CCSER1: variants seen among roughly 807,000 people sequenced by gnomAD.
CCSER1 encodes serine-rich coiled-coil domain-containing protein 1.
In CCSER1, 41 loss-of-function variants were observed where a neutral mutation model predicts 82.0. That is an observed-to-expected ratio of 0.50 (90% CI 0.39 to 0.65). The LOEUF (loss-of-function observed/expected upper bound fraction) is 0.65, where lower values mean the gene tolerates loss of function less well. CCSER1 is among the 30% of genes least tolerant of loss of function. The pLI is 0.00. For missense variants in CCSER1, 1,119 were observed against 1,064.2 expected (o/e 1.05, Z -0.72); for synonymous variants, 414 against 383.9 (o/e 1.08, Z -0.92).
In CCSER1 at chr4:90,629,385, C is replaced by T. The variant is rs988074411; in HGVS notation, c.1932+1153C>T. On this transcript the variant is annotated intron_variant, in intron 6 of 10. Transcript: ENST00000509176. ...TCACAGTTCCATATGGCTGGGGAGG[C>T]CTGACAATCACAGCAGAAGGCGATG... Among the ~76,000 whole-genome samples, 10 of 152,184 alleles carry T rather than the reference C, an allele frequency of 6.6e-5. No individual in the cohort carries two copies. In the South Asian group the frequency reaches 2.1e-3, roughly 32 times the overall value.
intron 10 of CCSER1, among the ~76,000 whole-genome samples, chr4:91,090,331 T>C (rs922865850): frequency 2.0e-5 from 3 of 152,168 alleles, no homozygotes; most frequent in African/African-American, 7.2e-5. Context: ...ATATCCAGTA[T>C]AACCTGCTGG....
At chr4:90,223,629 A>G (rs1578580878) in intron 1 of CCSER1, among the ~76,000 whole-genome samples, 2 of 152,242 alleles carry the variant, frequency 1.3e-5, no homozygotes, top group South Asian at 4.1e-4. Context: ...AGTTTACCTT[A>G]TCTTGAGCCT....
At chr4:91,513,256 A>T (rs1386224473) in intron 10 of CCSER1, among the ~76,000 whole-genome samples, 1 of 152,164 alleles carries the variant, frequency 6.6e-6, no homozygotes, top group Non-Finnish European at 1.5e-5. Context: ...AATTCTGCTT[A>T]TATGGTGAAT....
In CCSER1 at chr4:91,472,735, T is replaced by A. The variant is rs1382552369; in HGVS notation, c.2218-125837T>A. ...CCTTGAATAATATAGAGACAGAATC[T>A]TAGGAGATGTTAGCAGTATCACAGG... is the stretch of plus-strand genomic sequence containing the variant. On this transcript the variant is annotated intron_variant, in intron 10 of 10. Coordinates refer to ENST00000509176, the MANE Select transcript of CCSER1 (RefSeq NM_001145065.2). 4.6e-5 allele frequency among the ~76,000 whole-genome samples: 7 copies of A among 152,160 alleles called. 1 individual carries two copies. The East Asian group carries it at 1.3e-3, about 29-fold the overall frequency.
At chr4:91,245,857 C>T (rs1320491130) in intron 10 of CCSER1, among the ~76,000 whole-genome samples, 4 of 152,048 alleles carry the variant, frequency 2.6e-5, no homozygotes, top group African/African-American at 4.8e-5. Context: ...CCACGACGTC[C>T]GGTTAGTTTT....
intron 9 of CCSER1, among the ~76,000 whole-genome samples, chr4:90,962,908 A>C (rs2150379393): frequency 6.6e-6 from 1 of 152,300 alleles, no homozygotes; most frequent in Non-Finnish European, 1.5e-5. Flanking sequence ...ATCAGCATTA[A>C]TGATAATGCA....
intron 10 of CCSER1, among the ~76,000 whole-genome samples, chr4:91,222,129 A>G (rs1047640706): frequency 2.0e-5 from 3 of 151,288 alleles, no homozygotes; most frequent in Non-Finnish European, 4.4e-5. Context: ...AATGTGGGGG[A>G]GGGAAAGTGT....
intron 3 of CCSER1, among the ~76,000 whole-genome samples, chr4:90,350,614 T>C (rs1384405169): frequency 2.0e-5 from 3 of 152,114 alleles, no homozygotes; most frequent in Non-Finnish European, 4.4e-5. Flanking sequence ...CAGACATAAA[T>C]TAATTGGCTT....
At chr4:90,291,983 T>C (rs1267248337) in intron 1 of CCSER1, among the ~76,000 whole-genome samples, 1 of 151,920 alleles carries the variant, frequency 6.6e-6, no homozygotes, top group East Asian at 1.9e-4. Context: ...AACTCATGAA[T>C]TACAAACCAA....
At chr4:90,970,212 T>TGCTTTA (rs1296433296) in intron 9 of CCSER1, among the ~76,000 whole-genome samples, 2 of 151,934 alleles carry the variant, frequency 1.3e-5, no homozygotes, top group African/African-American at 4.8e-5. Flanking sequence ...ACAAGAGACT[T>TGCTTTA]GCTTTAGCTT....
At chr4:91,562,187 T>C (rs533305008) in intron 10 of CCSER1, among the ~76,000 whole-genome samples, 3 of 151,646 alleles carry the variant, frequency 2.0e-5, no homozygotes, top group East Asian at 3.9e-4. Context: ...TATCTTGCTA[T>C]TATAACATTT....
intron 10 of CCSER1, among the ~76,000 whole-genome samples, chr4:91,567,303 A>T (rs1011527143): frequency 2.0e-5 from 3 of 152,108 alleles, no homozygotes; most frequent in Non-Finnish European, 2.9e-5. Context: ...ATGTTCAATT[A>T]TGTGGTTGAT....
At chr4:90,255,345 G>A (rs879839840) in intron 1 of CCSER1, among the ~76,000 whole-genome samples, 11 of 151,822 alleles carry the variant, frequency 7.2e-5, no homozygotes, top group South Asian at 6.2e-4. Flanking sequence ...GGGAATCTGC[G>A]CAATCATTAA....
chr4:91,438,808 C>G (rs1024971698), intron 10 of CCSER1, among the ~76,000 whole-genome samples: 2 of 152,104 alleles, frequency 1.3e-5, no homozygotes, highest in Non-Finnish European at 2.9e-5. Flanking sequence ...AGCTGAACAC[C>G]AAGGCTCGAG....
At chr4:90,811,910 TACAC>T (rs67215286) in intron 7 of CCSER1, among the ~76,000 whole-genome samples, 15,641 of 113,030 alleles carry the variant, frequency 0.14, 944 homozygotes, top group African/African-American at 0.17. Context: ...AATATATATA[TACAC>T]ACACACACAC....
At chr4:90,532,005 A>G (rs1483153568) in intron 5 of CCSER1, among the ~76,000 whole-genome samples, 1 of 151,358 alleles carries the variant, frequency 6.6e-6, no homozygotes. Flanking sequence ...TTTTAAGAGT[A>G]TATATATATA....
At chr4:90,442,210 CAAAAA>C (rs1194457692) in intron 4 of CCSER1, among the ~76,000 whole-genome samples, 1 of 151,844 alleles carries the variant, frequency 6.6e-6, no homozygotes, top group African/African-American at 2.4e-5. Flanking sequence ...GGAAACTCAA[CAAAAA>C]AATGAGACAT....
At chr4:90,251,207 TTAAG>T (rs1217710708) in intron 1 of CCSER1, among the ~76,000 whole-genome samples, 5 of 152,056 alleles carry the variant, frequency 3.3e-5, no homozygotes, top group African/African-American at 9.6e-5. Flanking sequence ...TTTATTTTAT[TTAAG>T]TGTTATAAAT....
chr4:91,528,411 C>A (rs1391393558), intron 10 of CCSER1, among the ~76,000 whole-genome samples: 1 of 151,988 alleles, frequency 6.6e-6, no homozygotes, highest in African/African-American at 2.4e-5. Context: ...CAGCTAATAA[C>A]CAACACACAA....
Sources: allele counts gnomAD v4.1 joint callset (sites outside exome capture counted in the v4.1 genomes callset), GRCh38; gene constraint gnomAD v4.1.1; transcripts MANE v1.5; gene names NCBI Gene and HGNC (gene_info 2026-07-23, HGNC 2026-07-21).